Variants in STARD13 observed in about 807,000 individuals in gnomAD.
STARD13 encodes stAR-related lipid transfer protein 13.
STARD13 carries 62 observed loss-of-function variants against 106.4 expected under a neutral mutation model. That is an observed-to-expected ratio of 0.58 (90% CI 0.48 to 0.72). The LOEUF is 0.72. Among genes scored for constraint, STARD13 ranks in the 30% least tolerant of loss-of-function variants. The probability of loss-of-function intolerance (pLI) is 0.00; values close to 1 mark genes in which losing one functional copy is unlikely to be tolerated. For synonymous variants in STARD13, 565 were observed against 553.0 expected (o/e 1.02, Z -0.31); for missense variants, 1,387 against 1,424.0 (o/e 0.97, Z 0.42).
At chr13:33,416,368 A>C in the STARD13 span, among the ~76,000 whole-genome samples, 3 of 152,222 alleles carry the variant, frequency 2.0e-5, no homozygotes, top group Non-Finnish European at 4.4e-5. Flanking sequence ...GGTAAGATTG[A>C]GTAGGAGTTT....
intron 5 of STARD13, among the ~76,000 whole-genome samples, chr13:33,128,088 C>T (rs1877514004): frequency 6.6e-6 from 1 of 151,418 alleles, no homozygotes; most frequent in Non-Finnish European, 1.5e-5. Flanking sequence ...AAGATAGAGA[C>T]AGAGCAAGAG....
intron 3 of STARD13, among the ~76,000 whole-genome samples, chr13:33,153,383 C>T (rs1207882311): frequency 6.6e-6 from 1 of 152,118 alleles, no homozygotes; most frequent in Non-Finnish European, 1.5e-5. Flanking sequence ...GGAAAAGAGC[C>T]AGAGAGGGAT....
At chr13:33,586,148 T>C in the STARD13 span, among the ~76,000 whole-genome samples, 9 of 152,292 alleles carry the variant, frequency 5.9e-5, no homozygotes, top group East Asian at 1.2e-3. Flanking sequence ...CAACTGGAAA[T>C]GACCAAAAAG....
At chr13:33,143,272 G>A (rs560507536) in intron 3 of STARD13, among the ~76,000 whole-genome samples, 6 of 152,230 alleles carry the variant, frequency 3.9e-5, no homozygotes, top group South Asian at 2.1e-4. Flanking sequence ...CTTTCATTTC[G>A]TTGGGATTAC....
the STARD13 span, among the ~76,000 whole-genome samples, chr13:33,515,732 C>T: frequency 1.7e-4 from 26 of 152,210 alleles, no homozygotes; most frequent in South Asian, 3.5e-3. Flanking sequence ...TGAAAGTCCA[C>T]GGTGAGGGAT....
At chr13:33,110,115 T>C in intron 11 of STARD13, 25 bp from the exon 12 acceptor site, 3 of 1,610,054 alleles carry the variant, frequency 1.9e-6, no homozygotes, top group Non-Finnish European at 8.5e-7. Flanking sequence ...CGTCAGAAGC[T>C]GAAGAGGTTG....
At chr13:33,639,633 T>A in the STARD13 span, among the ~76,000 whole-genome samples, 1 of 152,238 alleles carries the variant, frequency 6.6e-6, no homozygotes, top group African/African-American at 2.4e-5. Context: ...TTTCTCTGTA[T>A]GTAGTGAACT....
At chr13:33,225,469 G>T (rs1888576174) in intron 1 of STARD13, among the ~76,000 whole-genome samples, 1 of 152,168 alleles carries the variant, frequency 6.6e-6, no homozygotes, top group African/African-American at 2.4e-5. Context: ...AGGATTACGT[G>T]TAAAGTAAGA....
chr13:33,290,523 T>A (rs1892252085), upstream of STARD13, among the ~76,000 whole-genome samples: 1 of 152,220 alleles, frequency 6.6e-6, no homozygotes, highest in Non-Finnish European at 1.5e-5. Context: ...TGACCAGGAC[T>A]CCATGAAAGA....
the STARD13 span, among the ~76,000 whole-genome samples, chr13:33,645,972 A>G: frequency 6.7e-6 from 1 of 150,046 alleles, no homozygotes; most frequent in African/African-American, 2.5e-5. Context: ...AATATTACCC[A>G]GAAAACACAT....
At chr13:33,221,436 T>A (rs1403143098) in intron 1 of STARD13, among the ~76,000 whole-genome samples, 1 of 152,246 alleles carries the variant, frequency 6.6e-6, no homozygotes, top group Admixed American at 6.5e-5. Flanking sequence ...AACATCATCA[T>A]AAACTTTTGC....
the STARD13 span, among the ~76,000 whole-genome samples, chr13:33,583,480 CTT>C: frequency 1.3e-5 from 2 of 151,934 alleles, no homozygotes; most frequent in Non-Finnish European, 2.9e-5. Flanking sequence ...CGTCTTAGAC[CTT>C]TTTTTTGGTG....
chr13:33,228,101 A>G (rs1380415035), intron 1 of STARD13, among the ~76,000 whole-genome samples: 6 of 152,280 alleles, frequency 3.9e-5, no homozygotes, highest in Middle Eastern at 3.4e-3. Flanking sequence ...CAGGTGGGGA[A>G]GTGGTGGAAG....
At chr13:33,359,867 T>C in the STARD13 span, among the ~76,000 whole-genome samples, 1 of 152,318 alleles carries the variant, frequency 6.6e-6, no homozygotes, top group African/African-American at 2.4e-5. Context: ...ATTAAACCTA[T>C]TTCATTCTTT....
chr13:33,365,583 G>T, the STARD13 span, among the ~76,000 whole-genome samples: 1 of 152,144 alleles, frequency 6.6e-6, no homozygotes, highest in South Asian at 2.1e-4. Context: ...GTGAACACAA[G>T]ATTATCTAGA....
At chr13:33,424,430 G>T in the STARD13 span, among the ~76,000 whole-genome samples, 102 of 152,174 alleles carry the variant, frequency 6.7e-4, no homozygotes, top group Admixed American at 1.8e-3. Flanking sequence ...CAACTATTGT[G>T]CACCAGGGTC....
intron 1 of STARD13, among the ~76,000 whole-genome samples, chr13:33,303,394 C>A (rs2138472280): frequency 6.6e-6 from 1 of 152,272 alleles, no homozygotes; most frequent in Non-Finnish European, 1.5e-5. Context: ...GATTCAAAAC[C>A]TGGCTCCTCT....
chr13:33,597,798 G>A, the STARD13 span, among the ~76,000 whole-genome samples: 6 of 151,788 alleles, frequency 4.0e-5, no homozygotes, highest in Admixed American at 2.6e-4. Flanking sequence ...AGGTTGTGGC[G>A]AGCTGAGATC....
At chr13:33,200,848 G>A (rs1427133138) in intron 1 of STARD13, among the ~76,000 whole-genome samples, 12 of 150,870 alleles carry the variant, frequency 8.0e-5, no homozygotes, top group African/African-American at 1.2e-4. Context: ...GGTGAAACCC[G>A]TCTCTACTAA....
Sources: allele counts gnomAD v4.1 joint callset (sites outside exome capture counted in the v4.1 genomes callset), GRCh38; gene constraint gnomAD v4.1.1; transcripts MANE v1.5; gene names NCBI Gene and HGNC (gene_info 2026-07-23, HGNC 2026-07-21).